The following NXPE2 variants were observed in gnomAD, a reference collection of about 807,000 sequenced individuals.
The protein encoded by NXPE2 is NXPE family member 2.
In NXPE2, 34 loss-of-function variants were observed where a neutral mutation model predicts 34.4. The observed-to-expected ratio is 0.99, with a 90% confidence interval of 0.75 to 1.31. The LOEUF is 1.31. Among genes scored for constraint, NXPE2 ranks in the 40% most tolerant of loss-of-function variants. The pLI is 0.00. For missense variants in NXPE2, 649 were observed against 672.5 expected (o/e 0.97, Z 0.39); for synonymous variants, 235 against 231.3 (o/e 1.02, Z -0.15).
At chr11:114,632,100 TGTA>T in the NXPE2 span, among the ~76,000 whole-genome samples, 1 of 144,976 alleles carries the variant, frequency 6.9e-6, no homozygotes, top group African/African-American at 2.5e-5. Flanking sequence ...GTAAATATAA[TGTA>T]ATATATAAAT....
chr11:114,632,588 T>C, the NXPE2 span, among the ~76,000 whole-genome samples: 11 of 108,226 alleles, frequency 1.0e-4, no homozygotes, highest in Non-Finnish European at 1.7e-4. Flanking sequence ...ATATTTATTG[T>C]ATATTGATGT....
the NXPE2 span, among the ~76,000 whole-genome samples, chr11:114,474,564 A>G: frequency 6.6e-6 from 1 of 152,206 alleles, no homozygotes; most frequent in African/African-American, 2.4e-5. Flanking sequence ...GCCATTCAGC[A>G]GTGATTGATG....
At chr11:114,806,608 G>T in the NXPE2 span, among the ~76,000 whole-genome samples, 2 of 151,860 alleles carry the variant, frequency 1.3e-5, no homozygotes, top group South Asian at 4.2e-4. Context: ...GATGGAAGAC[G>T]AAAGGAATGA....
chr11:114,651,179 T>C, the NXPE2 span, among the ~76,000 whole-genome samples: 1 of 152,130 alleles, frequency 6.6e-6, no homozygotes, highest in African/African-American at 2.4e-5. Context: ...AATGAAGCCG[T>C]GGACCCTCGC....
the NXPE2 span, among the ~76,000 whole-genome samples, chr11:114,770,205 T>C: frequency 6.6e-6 from 1 of 152,186 alleles, no homozygotes; most frequent in Non-Finnish European, 1.5e-5. Flanking sequence ...TCTGAATAAT[T>C]CTGAGAAATG....
chr11:114,610,236 G>C, the NXPE2 span, among the ~76,000 whole-genome samples: 1 of 151,824 alleles, frequency 6.6e-6, no homozygotes, highest in Non-Finnish European at 1.5e-5. Context: ...GTTGCCTCGT[G>C]GTTAACCACT....
At chr11:114,807,424 A>T in the NXPE2 span, among the ~76,000 whole-genome samples, 2 of 152,166 alleles carry the variant, frequency 1.3e-5, no homozygotes, top group African/African-American at 2.4e-5. Flanking sequence ...AAGACCCATC[A>T]GTGTGCTGTA....
At chr11:114,632,620 ATT>A in the NXPE2 span, among the ~76,000 whole-genome samples, 1 of 101,408 alleles carries the variant, frequency 9.9e-6, no homozygotes, top group Non-Finnish European at 1.8e-5. Context: ...TTTTATATAT[ATT>A]TATATATAAT....
chr11:114,642,516 A>G, the NXPE2 span, among the ~76,000 whole-genome samples: 4 of 151,912 alleles, frequency 2.6e-5, no homozygotes, highest in African/African-American at 9.6e-5. Context: ...GAGTGACAAC[A>G]TGCAGTATTT....
At chr11:114,731,474 G>A in the NXPE2 span, among the ~76,000 whole-genome samples, 1 of 152,154 alleles carries the variant, frequency 6.6e-6, no homozygotes, top group Non-Finnish European at 1.5e-5. Context: ...AAATAATGTA[G>A]ATGTTCTTAA....
chr11:114,750,094 A>G, the NXPE2 span, among the ~76,000 whole-genome samples: 3 of 152,148 alleles, frequency 2.0e-5, no homozygotes, highest in Non-Finnish European at 4.4e-5. Context: ...GCTCAGTTCA[A>G]TGCCCTCCAC....
chr11:114,756,676 C>T, the NXPE2 span, among the ~76,000 whole-genome samples: 1 of 151,936 alleles, frequency 6.6e-6, no homozygotes, highest in Non-Finnish European at 1.5e-5. Context: ...AGGGAGATAA[C>T]ACTATCTGCA....
At chr11:114,744,036 G>A in the NXPE2 span, among the ~76,000 whole-genome samples, 2 of 151,290 alleles carry the variant, frequency 1.3e-5, no homozygotes, top group African/African-American at 4.8e-5. Context: ...CTCTCTCATT[G>A]CTCTTGGGGT....
chr11:114,677,162 T>C (rs1005748409), upstream of NXPE2, among the ~76,000 whole-genome samples: 3 of 152,086 alleles, frequency 2.0e-5, no homozygotes, highest in Non-Finnish European at 4.4e-5. Flanking sequence ...ACTCAAGGTT[T>C]TACTTTACAC....
At chr11:114,738,011 C>T in the NXPE2 span, among the ~76,000 whole-genome samples, 184 of 152,196 alleles carry the variant, frequency 1.2e-3, 1 homozygote, top group Non-Finnish European at 2.3e-3. Flanking sequence ...CGCTTGAGCC[C>T]GGGGGGCGGA....
At chr11:114,601,858 T>C in the NXPE2 span, among the ~76,000 whole-genome samples, 6 of 20,936 alleles carry the variant, frequency 2.9e-4, no homozygotes, top group African/African-American at 1.6e-3. Flanking sequence ...AAATATATAA[T>C]ATACAATTAT....
At chr11:114,783,328 G>A in the NXPE2 span, among the ~76,000 whole-genome samples, 2 of 152,148 alleles carry the variant, frequency 1.3e-5, no homozygotes, top group Non-Finnish European at 2.9e-5. Context: ...CTTCTCTACT[G>A]TTCCCACCTG....
chr11:114,562,531 C>A, the NXPE2 span, among the ~76,000 whole-genome samples: 6 of 152,202 alleles, frequency 3.9e-5, no homozygotes, highest in Non-Finnish European at 8.8e-5. Context: ...GGATATCCAA[C>A]AAGTTCTGTT....
intron 2 of NXPE2, among the ~76,000 whole-genome samples, chr11:114,696,496 A>T (rs896339926): frequency 2.6e-5 from 4 of 152,162 alleles, no homozygotes; most frequent in Admixed American, 2.0e-4. Flanking sequence ...GAATTTATTA[A>T]TATCAGACAA....
Sources: allele counts gnomAD v4.1 joint callset (sites outside exome capture counted in the v4.1 genomes callset), GRCh38; gene constraint gnomAD v4.1.1; transcripts MANE v1.5; gene names NCBI Gene and HGNC (gene_info 2026-07-23, HGNC 2026-07-21).